The following RTEL1 variants were observed in gnomAD, a reference collection of about 807,000 sequenced individuals.
RTEL1 encodes the protein regulator of telomere elongation helicase 1.
In RTEL1, 86 loss-of-function variants were observed where a neutral mutation model predicts 162.2. That is an observed-to-expected ratio of 0.53 (90% confidence interval 0.45 to 0.63). The LOEUF is 0.63. Among genes scored for constraint, RTEL1 ranks in the 30% least tolerant of loss-of-function variants. RTEL1 has a pLI of 0.00. For missense variants in RTEL1, 1,941 were observed against 1,750.2 expected (o/e 1.11, Z -1.95); for synonymous variants, 958 against 717.9 (o/e 1.33, Z -5.35).
chr20:63,691,913 A>T, intron 28 of RTEL1, 76 bp downstream of exon 28: 5 of 1,219,484 alleles, frequency 4.1e-6, no homozygotes, highest in Non-Finnish European at 5.9e-6. Flanking sequence ...GCCCCCAGCC[A>T]CGGCTGGTCC....
At chr20:63,681,802 G>C in intron 14 of RTEL1, 1 of 985,368 alleles carries the variant, frequency 1.0e-6, no homozygotes, top group Non-Finnish European at 1.2e-6. Flanking sequence ...TCTTCTCTGT[G>C]CGGTAGCTGG....
rs779503922 is a variant in RTEL1, at chr20:63,694,311, C to G, written c.2993-61C>G. The G allele has an allele frequency of 3.7e-5, 39 of 1,054,854 alleles. 3 individuals are homozygous for G. The East Asian group carries it at 7.6e-4, about 21-fold the overall frequency. The allele number at this position is 1,054,854 out of a possible 1,614,324, so 65.3% of individuals were successfully genotyped here. A position where few individuals can be genotyped will look rare whatever the true frequency, so the allele number is the denominator to read the frequency against. ...GCCTCCCTAGCCAGCCCTGCCCCCCCACCCCAGGGAACTTTCCAGATGCTC... is the reference window on the plus strand; with the variant it reads ...GCCTCCCTAGCCAGCCCTGCCCCCCGACCCCAGGGAACTTTCCAGATGCTC... On this transcript the variant is annotated intron_variant, in intron 30 of 34. Coordinates refer to ENST00000360203, the MANE Select transcript of RTEL1 (RefSeq NM_001283009.2).
In RTEL1 at chr20:63,693,240, C is replaced by G. The variant is rs759760316; in HGVS notation, c.2949C>G (p.Ser983Arg). The part of the protein sequence containing the change: ...GRGCGYRPEH[S>R]IPRRQRAQPV... ...GCTGTGGCTATCGGCCTGAGCACAG[C>G]ATTCCCCGAAGGCAGCGGGCACAGC... The change falls in exon 30 of 35, where the codon AGC (serine) becomes AGG (arginine). Residue 983 changes from serine to arginine, a missense_variant. Transcript: ENST00000360203. The G allele has an allele frequency of 3.1e-6, 5 of 1,611,924 alleles. No individual in the cohort carries two copies. The South Asian group carries it at 3.3e-5, about 11-fold the overall frequency.
intron 6 of RTEL1, chr20:63,663,095 G>T (rs766459594): frequency 3.3e-6 from 2 of 612,050 alleles, no homozygotes; most frequent in Non-Finnish European, 5.9e-6. Context: ...CAGCCAGCCG[G>T]CAAGACTGCC....
chr20:63,695,371 C>T lies in RTEL1; in HGVS notation c.3543C>T (p.Ile1181=), dbSNP rs748910434. The T allele has an allele frequency of 1.9e-6, 3 of 1,548,336 alleles. No individual in the cohort carries two copies. Among genetic ancestry groups the T allele is most frequent in the East Asian group, 4.5e-5 (2 of 44,308 alleles). The change falls in exon 34 of 35, where the codon ATC becomes ATT. Residue 1181 remains isoleucine (I), a synonymous_variant. Coordinates refer to ENST00000360203, the MANE Select transcript of RTEL1 (RefSeq NM_001283009.2). The stretch of plus-strand genomic sequence containing the variant: ...AGACCGGGAAGACCCAGAGCAAGAT[C>T]TCGTCCTTCCTTAGACAGAGGCCAG... The part of the protein sequence containing the change: ...SEKTGKTQSK[I]SSFLRQRPAG...
In RTEL1 at chr20:63,661,671, C is replaced by CT. The variant is rs2090023322; in HGVS notation, c.302-173dup. The CT allele has an allele frequency of 2.2e-5, 20 of 902,664 alleles. No individual in the cohort carries two copies. The East Asian group carries it at 5.0e-4, about 23-fold the overall frequency. 55.9% of individuals were successfully genotyped at this position (902,664 alleles called of 1,614,324 possible). A position where few individuals can be genotyped will look rare whatever the true frequency, so the allele number is the denominator to read the frequency against. On this transcript the variant is annotated intron_variant, in intron 3 of 34. Coordinates refer to ENST00000360203, the MANE Select transcript of RTEL1 (RefSeq NM_001283009.2). This position sits in a 1 kb window ranked among gnomAD's most constrained non-coding sequence, Gnocchi z 5.1. ...TCGTGGGTGTAAACCTAGGGTTGGG[C>CT]TTTTTTGCTGAATTAGGGCACGGCA...
At chr20:63,676,928 C>T (rs374770946) in intron 10 of RTEL1, among the ~76,000 whole-genome samples, 115 of 152,276 alleles carry the variant, frequency 7.6e-4, no homozygotes, top group Non-Finnish European at 1.2e-3. Context: ...AGCGAGACTC[C>T]GTCTCAAAAA....
Position 63,694,990 on chromosome 20 carries a change from G to A in RTEL1, c.3343+16G>A, listed in dbSNP as rs370395788. The A allele has an allele frequency of 3.4e-5, 55 of 1,611,368 alleles. No individual in the cohort carries two copies. Among genetic ancestry groups the A allele is most frequent in the African/African-American group, 2.7e-4 (20 of 75,028 alleles). On this transcript the variant is annotated intron_variant, in intron 32 of 34. Transcript: ENST00000360203. Reference sequence around the variant, plus strand: ...CTGCTGCACAGCAAGTGGCCCTGGCGTGGGGAACAGCCGGTGGGGTGGGGG... The same window carrying A: ...CTGCTGCACAGCAAGTGGCCCTGGCATGGGGAACAGCCGGTGGGGTGGGGG...
rs561058381 is a variant in RTEL1 at position 63,694,174 on chromosome 20, C to T, written c.2993-198C>T. The T allele has an allele frequency of 4.2e-4, 249 of 594,780 alleles. 4 individuals are homozygous for T. The highest frequency in any genetic ancestry group is 3.9e-3 in the South Asian group (197 of 50,384). The allele number at this position is 594,780 out of a possible 1,614,324, so 36.8% of individuals were successfully genotyped here. ...CTCCTGAGTGGGGCTTTGGCCTGCC[C>T]GCCACTGTTCCAGCCCCCATCCAGC... On this transcript the variant is annotated intron_variant, in intron 30 of 34. Transcript: ENST00000360203.
Position 63,688,055 on chromosome 20 carries a change from G to A in RTEL1, c.1595+5G>A. On this transcript the variant is annotated splice_donor_5th_base_variant and intron_variant, in intron 18 of 34. Transcript: ENST00000360203. ...GAGCTCCGCGTTTGACAGACGGTGA[G>A]GGCCTGTCCCTGGGCCCTGCTGGGG... 1 of 1,612,560 alleles carries A rather than the reference G, an allele frequency of 6.2e-7. No homozygotes were observed. Among genetic ancestry groups the A allele is most frequent in the Non-Finnish European group, 8.5e-7 (1 of 1,179,800 alleles).
In RTEL1 at chr20:63,685,889, A is replaced by G; in HGVS notation, c.1348+17A>G. The G allele has an allele frequency of 6.2e-7, 1 of 1,609,704 alleles. No individual in the cohort carries two copies. Among genetic ancestry groups the G allele is most frequent in the Non-Finnish European group, 8.5e-7 (1 of 1,178,338 alleles). On this transcript the variant is annotated intron_variant, in intron 16 of 34. Coordinates refer to ENST00000360203, the MANE Select transcript of RTEL1 (RefSeq NM_001283009.2). ...GAAAGCGAGGTACAGACCTGGGCCC[A>G]CACGCTCCCCGCCCGCCCGGGTGCA...
intron 6 of RTEL1, among the ~76,000 whole-genome samples, chr20:63,663,718 A>C (rs139774867): frequency 3.9e-5 from 6 of 152,204 alleles, no homozygotes; most frequent in Non-Finnish European, 8.8e-5. Flanking sequence ...TTCCTGCCTC[A>C]GTTGGGGCTC....
At chr20:63,689,212 G>C in intron 22 of RTEL1, 80 bp downstream of exon 22, 1 of 1,380,784 alleles carries the variant, frequency 7.2e-7, no homozygotes, top group Non-Finnish European at 1.0e-6. Context: ...CAGACTCTGG[G>C]CCCTGGGGGC....
Position 63,666,086 on chromosome 20 carries a change from C to A in RTEL1, c.614+7C>A. 1 of 1,613,172 alleles carries A rather than the reference C, an allele frequency of 6.2e-7. No homozygotes were observed. The highest frequency in any genetic ancestry group is 1.1e-5 in the South Asian group (1 of 91,050). ...AGAGCGGAAGCAAGCACAGGTGAGA[C>A]CCCTCAGTGAGGCCACGACCACTGT... is the stretch of plus-strand genomic sequence containing the variant. On this transcript the variant is annotated splice_region_variant and intron_variant, in intron 7 of 34. Transcript: ENST00000360203.
At chr20:63,682,516 A>G (rs1046855093) in intron 14 of RTEL1, 40 of 985,672 alleles carry the variant, frequency 4.1e-5, no homozygotes, top group Non-Finnish European at 4.6e-5. Context: ...CGAATCCTGC[A>G]CACTCCATCG....
intron 7 of RTEL1, among the ~76,000 whole-genome samples, chr20:63,666,396 G>A (rs551332817): frequency 2.0e-4 from 30 of 152,382 alleles, no homozygotes; most frequent in East Asian, 1.9e-4. Flanking sequence ...TTCACTCAGC[G>A]TTGTGGGTAT....
At chr20:63,671,648 AT>A (rs10717389) in intron 8 of RTEL1, among the ~76,000 whole-genome samples, 44,308 of 140,474 alleles carry the variant, frequency 0.32, 6,813 homozygotes, top group South Asian at 0.43. Flanking sequence ...CGCCTGGCTA[AT>A]TTTTTTTTTT....
intron 30 of RTEL1, among the ~76,000 whole-genome samples, chr20:63,693,708 A>T (rs1601190271): frequency 1.4e-4 from 5 of 36,636 alleles, no homozygotes; most frequent in African/African-American, 5.1e-4. Flanking sequence ...CACCACCTCC[A>T]CCACCACCAC....
chr20:63,695,772 T>C lies in RTEL1; in HGVS notation c.3823-6T>C, dbSNP rs2090965747. On this transcript the variant is annotated splice_polypyrimidine_tract_variant and splice_region_variant and intron_variant, in intron 34 of 34. Coordinates refer to ENST00000360203, the MANE Select transcript of RTEL1 (RefSeq NM_001283009.2). ...AGACGTGTGCAGTGGGCCGGTTGTCTCACAGGCCTCTAGGATGTGCCCAGC... is the reference window on the plus strand; with the variant it reads ...AGACGTGTGCAGTGGGCCGGTTGTCCCACAGGCCTCTAGGATGTGCCCAGC... The C allele has an allele frequency of 1.9e-6, 3 of 1,589,618 alleles. No individual in the cohort carries two copies. Among genetic ancestry groups the C allele is most frequent in the Non-Finnish European group, 2.6e-6 (3 of 1,168,646 alleles).
Sources: allele counts gnomAD v4.1 joint callset (sites outside exome capture counted in the v4.1 genomes callset), GRCh38; gene constraint gnomAD v4.1.1; non-coding constraint Gnocchi (gnomAD v3.1); transcripts MANE v1.5; gene names NCBI Gene and HGNC (gene_info 2026-07-23, HGNC 2026-07-21).